LRRTM4: variants seen among roughly 807,000 people sequenced by gnomAD.
LRRTM4 encodes leucine rich repeat transmembrane neuronal 4.
A neutral mutation model predicts 47.6 loss-of-function variants in LRRTM4; 25 were observed. The observed-to-expected ratio is 0.53, with a 90% CI of 0.38 to 0.73. LRRTM4 has a LOEUF of 0.73. Ranked by LOEUF, LRRTM4 falls within the 30% of genes least tolerant of loss-of-function variation. The probability of loss-of-function intolerance (pLI) is 0.00; values close to 1 mark genes in which losing one functional copy is unlikely to be tolerated. For missense variants in LRRTM4, 638 were observed against 713.4 expected (o/e 0.89, Z 1.20); for synonymous variants, 311 against 269.5 (o/e 1.15, Z -1.51).
intron 3 of LRRTM4, among the ~76,000 whole-genome samples, chr2:77,056,262 G>A (rs546688891): frequency 6.6e-6 from 1 of 152,224 alleles, no homozygotes; most frequent in South Asian, 2.1e-4. Context: ...ACCAATAAAT[G>A]CATTGAAGAA....
chr2:77,434,375 G>C (rs920507283), intron 3 of LRRTM4, among the ~76,000 whole-genome samples: 1 of 151,950 alleles, frequency 6.6e-6, no homozygotes, highest in East Asian at 1.9e-4. Flanking sequence ...ACCTTTCATG[G>C]GCCTTGATGT....
At chr2:76,972,778 A>G (rs1676266647) in intron 3 of LRRTM4, among the ~76,000 whole-genome samples, 1 of 152,018 alleles carries the variant, frequency 6.6e-6, no homozygotes. Flanking sequence ...ACATCCATAA[A>G]TAAAACTGTT....
intron 3 of LRRTM4, among the ~76,000 whole-genome samples, chr2:77,412,806 C>A (rs934513706): frequency 3.3e-5 from 5 of 152,236 alleles, no homozygotes; most frequent in African/African-American, 1.2e-4. Flanking sequence ...CATGGGATGG[C>A]TGACATATTG....
intron 3 of LRRTM4, among the ~76,000 whole-genome samples, chr2:77,253,220 A>AG (rs1304810819): frequency 2.6e-5 from 4 of 152,194 alleles, no homozygotes; most frequent in African/African-American, 7.2e-5. Flanking sequence ...GATTAATCAA[A>AG]CAGCCATACA....
chr2:77,335,060 A>G (rs1357747777), intron 3 of LRRTM4, among the ~76,000 whole-genome samples: 1 of 152,150 alleles, frequency 6.6e-6, no homozygotes, highest in Non-Finnish European at 1.5e-5. Flanking sequence ...TAATGCCTCT[A>G]AGTTGTTATA....
chr2:77,355,815 A>T (rs1671945373), intron 3 of LRRTM4, among the ~76,000 whole-genome samples: 1 of 152,192 alleles, frequency 6.6e-6, no homozygotes, highest in Non-Finnish European at 1.5e-5. Context: ...AGGTGGGACC[A>T]GGCACAGTGG....
At position 77,480,764 on chromosome 2, in the gene LRRTM4, G is replaced by A. The variant is rs143261401; in HGVS notation, c.1551+37554C>T. Among the ~76,000 whole-genome samples, 808 of 124,276 alleles carry A rather than the reference G, an allele frequency of 6.5e-3. 3 individuals carry two copies. The highest frequency in any genetic ancestry group is 9.2e-3 in the Non-Finnish European group (543 of 58,714). 81.5% of individuals were successfully genotyped at this position (124,276 alleles called of 152,430 possible). On this transcript the variant is annotated intron_variant, in intron 3 of 3. Transcript: ENST00000409884. ...ACACTCTGACATTCAAAACAAACTT[G>A]CTATGTGTGGCTGTTTTAGGAGTGT...
At chr2:76,974,179 T>C (rs1458234162) in intron 3 of LRRTM4, among the ~76,000 whole-genome samples, 10 of 119,024 alleles carry the variant, frequency 8.4e-5, no homozygotes, top group Admixed American at 5.9e-4. Context: ...CATACATATA[T>C]ATACATACAT....
chr2:77,056,986 T>C (rs1250576755), intron 3 of LRRTM4, among the ~76,000 whole-genome samples: 1 of 152,184 alleles, frequency 6.6e-6, no homozygotes, highest in Non-Finnish European at 1.5e-5. Flanking sequence ...CCACTTGTGG[T>C]AAATAAAGTT....
At chr2:76,976,224 A>G (rs1220505428) in intron 3 of LRRTM4, among the ~76,000 whole-genome samples, 3 of 151,804 alleles carry the variant, frequency 2.0e-5, no homozygotes. Flanking sequence ...AACCATTCAA[A>G]GAGCCTTCAG....
At chr2:77,064,545 C>T (rs1211395871) in intron 3 of LRRTM4, among the ~76,000 whole-genome samples, 1 of 152,134 alleles carries the variant, frequency 6.6e-6, no homozygotes, top group Admixed American at 6.6e-5. Context: ...AATTTCACAT[C>T]ACAGTTATCA....
chr2:77,287,078 A>G (rs1208564702), intron 3 of LRRTM4, among the ~76,000 whole-genome samples: 2 of 152,120 alleles, frequency 1.3e-5, no homozygotes, highest in Admixed American at 1.3e-4. Context: ...GTTCGAGGCC[A>G]CAGTGCCAAA....
At chr2:76,929,898 TAA>T (rs899560433) in intron 3 of LRRTM4, among the ~76,000 whole-genome samples, 2 of 151,468 alleles carry the variant, frequency 1.3e-5, no homozygotes, top group African/African-American at 4.9e-5. Context: ...ACTAAAATTC[TAA>T]AAATGTGATA....
chr2:77,391,728 C>A (rs1030292386), intron 3 of LRRTM4, among the ~76,000 whole-genome samples: 1 of 151,866 alleles, frequency 6.6e-6, no homozygotes, highest in Non-Finnish European at 1.5e-5. Flanking sequence ...CAAGGGGACC[C>A]AACTAAACCC....
At chr2:76,892,212 A>T (rs1484508258) in intron 3 of LRRTM4, among the ~76,000 whole-genome samples, 1 of 151,574 alleles carries the variant, frequency 6.6e-6, no homozygotes, top group East Asian at 1.9e-4. Flanking sequence ...AAATGGTTTA[A>T]AACTTTCTTA....
At chr2:77,388,150 A>T (rs1673356905) in intron 3 of LRRTM4, among the ~76,000 whole-genome samples, 1 of 151,392 alleles carries the variant, frequency 6.6e-6, no homozygotes, top group Admixed American at 6.6e-5. Flanking sequence ...CAGATTAGTT[A>T]CTTCAATCTT....
At chr2:77,175,691 C>A (rs1452245210) in intron 3 of LRRTM4, among the ~76,000 whole-genome samples, 3 of 152,134 alleles carry the variant, frequency 2.0e-5, no homozygotes, top group Non-Finnish European at 4.4e-5. Flanking sequence ...GCCTTTGCAG[C>A]CTCCACCATC....
At chr2:76,794,430 T>G in intron 3 of LRRTM4, among the ~76,000 whole-genome samples, 1 of 152,184 alleles carries the variant, frequency 6.6e-6, no homozygotes, top group East Asian at 1.9e-4. Context: ...TACCAGATAT[T>G]CCAGCTATTT....
At position 76,813,879 on chromosome 2, in the gene LRRTM4, T is replaced by C. The variant is rs571242736; in HGVS notation, c.1552-64963A>G. Reference sequence around the variant, plus strand: ...ACATTACTAATGCACTGGTATTACATTGCCACAACTATGAACCAATTTGGC... The same window carrying C: ...ACATTACTAATGCACTGGTATTACACTGCCACAACTATGAACCAATTTGGC... On this transcript the variant is annotated intron_variant, in intron 3 of 3. Coordinates refer to ENST00000409884, the MANE Select transcript of LRRTM4 (RefSeq NM_001134745.3). Among the ~76,000 whole-genome samples, 11 of 150,446 alleles carry C rather than the reference T, an allele frequency of 7.3e-5. No homozygotes were observed. The South Asian group carries it at 1.5e-3, about 20-fold the overall frequency.
Sources: allele counts gnomAD v4.1 joint callset (sites outside exome capture counted in the v4.1 genomes callset), GRCh38; gene constraint gnomAD v4.1.1; transcripts MANE v1.5; gene names NCBI Gene and HGNC (gene_info 2026-07-23, HGNC 2026-07-21).